Variants in ZNF469 observed in about 807,000 individuals in gnomAD.
The protein encoded by ZNF469 is zinc finger protein 469.
Under a neutral mutation model 1.0 loss-of-function variants are expected in ZNF469, and 1 was observed. That is an observed-to-expected ratio of 1.00 (90% confidence interval 0.35 to 4.73). The LOEUF is 4.73. Among genes scored for constraint, ZNF469 ranks in the 30% most tolerant of loss-of-function variants. The pLI is 0.16. For missense variants in ZNF469, 6,100 were observed against 5,356.3 expected (o/e 1.14, Z -4.33); for synonymous variants, 2,703 against 2,363.4 (o/e 1.14, Z -4.17).
the ZNF469 span, among the ~76,000 whole-genome samples, chr16:88,126,795 A>G: frequency 1.3e-5 from 2 of 151,632 alleles, no homozygotes; most frequent in Admixed American, 1.3e-4. Flanking sequence ...CTGGGATTAT[A>G]GGCATGCACC....
At chr16:88,186,654 C>T in the ZNF469 span, among the ~76,000 whole-genome samples, 116 of 152,294 alleles carry the variant, frequency 7.6e-4, no homozygotes, top group African/African-American at 2.6e-3. Context: ...CCTCCCCCGG[C>T]AGAGGATCGT....
chr16:88,213,777 C>T, the ZNF469 span, among the ~76,000 whole-genome samples: 4 of 152,168 alleles, frequency 2.6e-5, no homozygotes, highest in Non-Finnish European at 4.4e-5. Flanking sequence ...CTTGCTGTTT[C>T]TGGGGGTGCT....
the ZNF469 span, among the ~76,000 whole-genome samples, chr16:88,328,811 C>A: frequency 3.3e-5 from 5 of 152,242 alleles, no homozygotes; most frequent in East Asian, 9.7e-4. Context: ...CACACAGGAA[C>A]CAGAGAGGAT....
the ZNF469 span, among the ~76,000 whole-genome samples, chr16:88,277,126 C>T: frequency 6.6e-6 from 1 of 152,184 alleles, no homozygotes; most frequent in Non-Finnish European, 1.5e-5. Context: ...CACGCTGACG[C>T]TTGGTCAGTA....
chr16:88,128,179 G>A, the ZNF469 span, among the ~76,000 whole-genome samples: 2 of 152,228 alleles, frequency 1.3e-5, no homozygotes, highest in East Asian at 1.9e-4. Flanking sequence ...TGCCTGAGCC[G>A]CTGAGGATGG....
chr16:88,162,431 A>T, the ZNF469 span, among the ~76,000 whole-genome samples: 1 of 151,752 alleles, frequency 6.6e-6, no homozygotes, highest in African/African-American at 2.4e-5. Context: ...GACTGAAATG[A>T]AGTTTGTAAG....
chr16:88,293,728 T>A, the ZNF469 span, among the ~76,000 whole-genome samples: 1 of 152,170 alleles, frequency 6.6e-6, no homozygotes, highest in South Asian at 2.1e-4. Flanking sequence ...TGTGATCCTA[T>A]AGGGAGACCA....
chr16:88,102,481 G>A, the ZNF469 span, among the ~76,000 whole-genome samples: 4 of 152,352 alleles, frequency 2.6e-5, no homozygotes, highest in African/African-American at 2.4e-5. Context: ...CAGCCTGGGG[G>A]ACAAGAGTGA....
At chr16:88,319,891 T>C in the ZNF469 span, among the ~76,000 whole-genome samples, 2 of 152,070 alleles carry the variant, frequency 1.3e-5, no homozygotes, top group African/African-American at 4.8e-5. Context: ...CAAGGAAAGG[T>C]TTTCTCCAGT....
the ZNF469 span, among the ~76,000 whole-genome samples, chr16:88,288,730 A>G: frequency 6.6e-6 from 1 of 152,234 alleles, no homozygotes; most frequent in African/African-American, 2.4e-5. Context: ...AAAAGTATGC[A>G]GCCCAAATCT....
At chr16:88,111,662 G>C in the ZNF469 span, among the ~76,000 whole-genome samples, 1 of 152,088 alleles carries the variant, frequency 6.6e-6, no homozygotes, top group Non-Finnish European at 1.5e-5. Flanking sequence ...TGTTGAGATG[G>C]AGTCTCGCTC....
chr16:88,236,466 G>T, the ZNF469 span, among the ~76,000 whole-genome samples: 1 of 152,360 alleles, frequency 6.6e-6, no homozygotes, highest in South Asian at 2.1e-4. Flanking sequence ...ATAAAGAGAC[G>T]TGTCCGACCC....
At chr16:88,348,624 G>A in the ZNF469 span, among the ~76,000 whole-genome samples, 10 of 152,318 alleles carry the variant, frequency 6.6e-5, no homozygotes, top group East Asian at 1.7e-3. Flanking sequence ...AAACAGGTGA[G>A]GGACAGCACT....
At chr16:88,382,185 C>T (rs1014293461), upstream of ZNF469, among the ~76,000 whole-genome samples, 3 of 152,254 alleles carry the variant, frequency 2.0e-5, no homozygotes, top group Admixed American at 6.5e-5. Context: ...GAGGCCCACA[C>T]GCCCCTGTCT....
the ZNF469 span, among the ~76,000 whole-genome samples, chr16:88,353,641 C>A: frequency 6.6e-6 from 1 of 152,216 alleles, no homozygotes; most frequent in Non-Finnish European, 1.5e-5. Flanking sequence ...TCGTGGTGAA[C>A]GGTGGCTCCC....
At chr16:88,239,715 ATTTTTTTTTTTTT>A in the ZNF469 span, among the ~76,000 whole-genome samples, 34 of 6,776 alleles carry the variant, frequency 5.0e-3, no homozygotes, top group African/African-American at 9.5e-3. Context: ...ATATATATAT[ATTTTTTTTTTTTT>A]TTTTTTTTTT....
chr16:88,305,598 TCA>T, the ZNF469 span, among the ~76,000 whole-genome samples: 3 of 120,164 alleles, frequency 2.5e-5, no homozygotes, highest in East Asian at 7.7e-4. Context: ...ACGCACACCC[TCA>T]CACATGCACA....
the ZNF469 span, among the ~76,000 whole-genome samples, chr16:88,238,908 G>A: frequency 5.2e-4 from 79 of 152,192 alleles, 2 homozygotes; most frequent in Admixed American, 4.1e-3. Flanking sequence ...GTGGAGATCC[G>A]GCCTCCCTCC....
At chr16:88,180,935 T>A in the ZNF469 span, among the ~76,000 whole-genome samples, 14 of 152,302 alleles carry the variant, frequency 9.2e-5, no homozygotes, top group Middle Eastern at 3.4e-3. Flanking sequence ...TCAATACTCC[T>A]CCAATACTCC....
Sources: gnomAD v4.1 joint callset for allele counts (sites outside exome capture counted in the v4.1 genomes callset) on GRCh38, gnomAD v4.1.1 for gene constraint, MANE v1.5 for transcripts, NCBI Gene and HGNC (gene_info 2026-07-23, HGNC 2026-07-21) for gene names.